The following SLC6A12 variants were observed in gnomAD, a reference collection of about 807,000 sequenced individuals.
SLC6A12 encodes the protein solute carrier family 6 member 12.
SLC6A12 carries 50 observed loss-of-function variants against 73.3 expected under a neutral mutation model. That is an observed-to-expected ratio of 0.68 (90% CI 0.54 to 0.86). The LOEUF is 0.86. Among genes scored for constraint, SLC6A12 ranks in the 40% least tolerant of loss-of-function variants. The pLI is 0.00. For missense variants in SLC6A12, 648 were observed against 772.8 expected (o/e 0.84, Z 1.92); for synonymous variants, 304 against 309.2 (o/e 0.98, Z 0.18).
In SLC6A12 at chr12:192,632, G is replaced by A; in HGVS notation, c.1547C>T (p.Ser516Phe). 3 of 1,614,120 alleles carry A rather than the reference G, an allele frequency of 1.9e-6. No homozygotes were observed. The highest frequency in any genetic ancestry group is 2.5e-6 in the Non-Finnish European group (3 of 1,180,004). ...PGLCLATFLF[S>F]LSKYTPLKYN... Reference sequence around the variant, plus strand: ...CTTGAGGGGGGTGTACTTGCTCAAGGAGAAGAGGAAAGTGGCCTGGGAGAA... The same window carrying A: ...CTTGAGGGGGGTGTACTTGCTCAAGAAGAAGAGGAAAGTGGCCTGGGAGAA... The change falls in exon 15 of 16, where the codon TCC becomes TTC. Residue 516 changes from serine (S) to phenylalanine (F), a missense_variant. Coordinates refer to ENST00000684302, the MANE Select transcript of SLC6A12 (RefSeq NM_001122848.3).
Position 190,978 on chromosome 12 carries a change from G to GGAGACA in SLC6A12, c.*84_*89dup, listed in dbSNP as rs1233515642. The GGAGACA allele has an allele frequency of 1.5e-5, 17 of 1,125,172 alleles. No individual in the cohort carries two copies. The highest frequency in any genetic ancestry group is 1.9e-5 in the Non-Finnish European group (17 of 882,354). The allele number at this position is 1,125,172 out of a possible 1,614,324, so 69.7% of individuals were successfully genotyped here. Reference sequence around the variant, plus strand: ...AGAGGTTCCCAGCAGGATTGTGGCAGGAGACAGAGGCAGAGGCTGTCCGCT... The same window carrying GGAGACA: ...AGAGGTTCCCAGCAGGATTGTGGCAGGAGACAGAGACAGAGGCAGAGGCTGTCCGCT... On this transcript the variant is annotated 3_prime_UTR_variant, in exon 16 of 16. Coordinates refer to ENST00000684302, the MANE Select transcript of SLC6A12 (RefSeq NM_001122848.3).
In SLC6A12 at chr12:195,496, C is replaced by T. The variant is rs553342019; in HGVS notation, c.1327-169G>A. 2.0e-5 allele frequency among the ~76,000 whole-genome samples: 3 copies of T among 152,174 alleles called. No individual in the cohort carries two copies. In the East Asian group the frequency reaches 5.8e-4, roughly 29 times the overall value. On this transcript the variant is annotated intron_variant, in intron 12 of 15. Coordinates refer to ENST00000684302, the MANE Select transcript of SLC6A12 (RefSeq NM_001122848.3). Reference sequence around the variant, plus strand: ...CCTGTCTGCCCCTGCCTTCAGGCCCCCCAGTCAACATCAGGACAATAACCT... The same window carrying T: ...CCTGTCTGCCCCTGCCTTCAGGCCCTCCAGTCAACATCAGGACAATAACCT...
intron 6 of SLC6A12, chr12:201,465 C>T (rs1182015399): frequency 8.3e-6 from 3 of 362,562 alleles, no homozygotes; most frequent in East Asian, 1.2e-4. Flanking sequence ...TCCCCTAAAG[C>T]TGTGAAGACT....
intron 10 of SLC6A12, among the ~76,000 whole-genome samples, chr12:197,166 C>CATCTATCCATCCATCT (rs1565469115): frequency 1.3e-4 from 4 of 29,794 alleles, no homozygotes; most frequent in African/African-American, 2.0e-4. Flanking sequence ...TCCATCCATC[C>CATCTATCCATCCATCT]ATCCATCCAT....
chr12:197,278 A>C, intron 10 of SLC6A12, 99 bp downstream of exon 10: 1 of 1,362,920 alleles, frequency 7.3e-7, no homozygotes, highest in Non-Finnish European at 9.9e-7. Context: ...TAAATAAATC[A>C]TATTGCCCAT....
At chr12:195,659 G>T (rs1377330307) in intron 12 of SLC6A12, among the ~76,000 whole-genome samples, 1 of 152,114 alleles carries the variant, frequency 6.6e-6, no homozygotes, top group Non-Finnish European at 1.5e-5. Flanking sequence ...TTGAATAAGA[G>T]TCATAGCCTG....
chr12:197,801 A>G, intron 9 of SLC6A12, 99 bp downstream of exon 9: 2 of 841,250 alleles, frequency 2.4e-6, no homozygotes, highest in Non-Finnish European at 1.9e-6. Context: ...CGTATAATGA[A>G]TAAGGAAGGT....
At position 202,720 on chromosome 12, in the gene SLC6A12, G is replaced by C; in HGVS notation, c.490+20C>G. 2 of 1,609,134 alleles carry C rather than the reference G, an allele frequency of 1.2e-6. No individual in the cohort carries two copies. Among genetic ancestry groups the C allele is most frequent in the Non-Finnish European group, 1.7e-6 (2 of 1,176,974 alleles). Reference sequence around the variant, plus strand: ...CCAGCCCCTAACAGGCAACATCCCAGGGGCTGAAATGATGGATACCTGTGT... The same window carrying C: ...CCAGCCCCTAACAGGCAACATCCCACGGGCTGAAATGATGGATACCTGTGT... On this transcript the variant is annotated intron_variant, in intron 5 of 15. Transcript: ENST00000684302.
chr12:193,115 A>AGAAAGAAGAGCAGG (rs1485440269), intron 14 of SLC6A12, 162 bp downstream of exon 14: 2 of 613,808 alleles, frequency 3.3e-6, no homozygotes, highest in African/African-American at 3.7e-5. Context: ...AGATGGCCCC[A>AGAAAGAAGAGCAGG]GAAAGAAGAG....
intron 7 of SLC6A12, among the ~76,000 whole-genome samples, chr12:200,157 G>A (rs1193762223): frequency 2.8e-5 from 4 of 142,380 alleles, no homozygotes; most frequent in Non-Finnish European, 6.0e-5. Context: ...CGCCCAGGCT[G>A]GAGTGCAGTG....
chr12:197,167 AT>A (rs1939941165), intron 10 of SLC6A12, among the ~76,000 whole-genome samples: 1 of 90,164 alleles, frequency 1.1e-5, no homozygotes, highest in Non-Finnish European at 2.5e-5. Flanking sequence ...CCATCCATCC[AT>A]CCATCCATCC....
chr12:197,883 G>T lies in SLC6A12; in HGVS notation c.950+17C>A. The T allele has an allele frequency of 1.4e-6, 2 of 1,384,732 alleles. No homozygotes were observed. The highest frequency in any genetic ancestry group is 2.0e-6 in the Non-Finnish European group (2 of 984,886). The allele number at this position is 1,384,732 out of a possible 1,614,324, so 85.8% of individuals were successfully genotyped here. ...CCCAACCCTCCTTCACCCCACCCCGGCCCACGCTGTTCTCACTTGTAGCAG... is the reference window on the plus strand; with the variant it reads ...CCCAACCCTCCTTCACCCCACCCCGTCCCACGCTGTTCTCACTTGTAGCAG... On this transcript the variant is annotated intron_variant, in intron 9 of 15. Coordinates refer to ENST00000684302, the MANE Select transcript of SLC6A12 (RefSeq NM_001122848.3).
chr12:193,152 T>C (rs568934613), intron 14 of SLC6A12, 125 bp downstream of exon 14: 4 of 708,612 alleles, frequency 5.6e-6, no homozygotes, highest in African/African-American at 3.5e-5. Flanking sequence ...GAACAGGAAA[T>C]GGACCAGGCC....
chr12:187,699 A>C (rs1939462466), downstream of SLC6A12, among the ~76,000 whole-genome samples: 1 of 144,490 alleles, frequency 6.9e-6, no homozygotes, highest in Admixed American at 7.1e-5. Context: ...GGCCTCCGGC[A>C]GCCTGCTTTT....
At position 204,717 on chromosome 12, in the gene SLC6A12, C is replaced by T; in HGVS notation, c.215-19G>A. On this transcript the variant is annotated intron_variant, in intron 3 of 15. Transcript: ENST00000684302. ...AAGGCTCCTGCAGAAGAGAGAGAGG[C>T]AGGGCTGAGCCACACCCGGGCTCTT... 5 of 1,613,252 alleles carry T rather than the reference C, an allele frequency of 3.1e-6. No homozygotes were observed. Among genetic ancestry groups the T allele is most frequent in the Non-Finnish European group, 4.2e-6 (5 of 1,179,720 alleles).
chr12:186,884 G>GT (rs1939440949), downstream of SLC6A12, among the ~76,000 whole-genome samples: 1 of 152,164 alleles, frequency 6.6e-6, no homozygotes, highest in African/African-American at 2.4e-5. Flanking sequence ...GGAGCCTGTG[G>GT]TAACCCTGCT....
At chr12:204,123 T>C (rs548622427) in intron 4 of SLC6A12, 173 of 194,846 alleles carry the variant, frequency 8.9e-4, no homozygotes, top group African/African-American at 3.5e-3. Flanking sequence ...GACCTACGCA[T>C]AGGACCCAGC....
At position 198,840 on chromosome 12, in the gene SLC6A12, A is replaced by T; in HGVS notation, c.803T>A (p.Ile268Asn). The T allele has an allele frequency of 6.2e-7, 1 of 1,614,196 alleles. No homozygotes were observed. Among genetic ancestry groups the T allele is most frequent in the Non-Finnish European group, 8.5e-7 (1 of 1,180,002 alleles). The change falls in exon 8 of 16, where the codon ATC (isoleucine) becomes AAC (asparagine). Residue 268 changes from isoleucine (I) to asparagine (N), a missense_variant. By Grantham distance (149) the Ile-to-Asn change is moderately radical. Coordinates refer to ENST00000684302, the MANE Select transcript of SLC6A12 (RefSeq NM_001122848.3). This position sits in a 1 kb window ranked among gnomAD's most constrained non-coding sequence, Gnocchi z 4.0. ...GAACAAATCTGGCTTCAAGTAGTAG[A>T]TGATGCCCTGGTAGGCTCCGGGAAG... ...VTLPGAYQGIIYYLKPDLFRL... is the reference protein window; with the variant it reads ...VTLPGAYQGINYYLKPDLFRL...
At chr12:195,895 C>T (rs560485678) in intron 12 of SLC6A12, among the ~76,000 whole-genome samples, 1 of 152,292 alleles carries the variant, frequency 6.6e-6, no homozygotes, top group South Asian at 2.1e-4. Context: ...CAACCTGACC[C>T]AATACATTCC....
Sources: allele counts gnomAD v4.1 joint callset (sites outside exome capture counted in the v4.1 genomes callset), GRCh38; gene constraint gnomAD v4.1.1; non-coding constraint Gnocchi (gnomAD v3.1); transcripts MANE v1.5; gene names NCBI Gene and HGNC (gene_info 2026-07-23, HGNC 2026-07-21).